The following PRR14L variants were observed in gnomAD, a reference collection of about 807,000 sequenced individuals.
The protein encoded by PRR14L is protein PRR14L.
PRR14L carries 80 observed loss-of-function variants against 155.0 expected under a neutral mutation model. The ratio of observed to expected loss-of-function variants is 0.52; its 90% CI spans 0.43 to 0.62. The LOEUF is 0.62. Ranked by LOEUF, PRR14L falls within the 20% of genes least tolerant of loss-of-function variation. PRR14L has a pLI of 0.00. For missense variants in PRR14L, 2,469 were observed against 2,548.0 expected (o/e 0.97, Z 0.67); for synonymous variants, 883 against 916.0 (o/e 0.96, Z 0.65).
chr22:31,727,124 C>T (rs1010671975), intron 2 of PRR14L, among the ~76,000 whole-genome samples: 4 of 152,142 alleles, frequency 2.6e-5, no homozygotes, highest in African/African-American at 4.8e-5. Flanking sequence ...GATTTTGCTT[C>T]GTCCCACTTG....
chr22:31,709,523 C>T (rs910995887), intron 4 of PRR14L, among the ~76,000 whole-genome samples: 4 of 147,442 alleles, frequency 2.7e-5, no homozygotes, highest in East Asian at 2.0e-4. Context: ...TGCACCCAGA[C>T]GCCTGTGGGG....
intron 8 of PRR14L, 21 bp from the exon 9 acceptor site, chr22:31,685,824 AATCACC>A: frequency 6.5e-7 from 1 of 1,547,870 alleles, no homozygotes; most frequent in Non-Finnish European, 8.7e-7. Context: ...AGCACGAAAC[AATCACC>A]AACAGACTGA....
At chr22:31,735,058 A>G (rs1376867908) in intron 2 of PRR14L, among the ~76,000 whole-genome samples, 4 of 152,254 alleles carry the variant, frequency 2.6e-5, no homozygotes, top group African/African-American at 7.2e-5. Context: ...GTTAACATTT[A>G]TATCAATTAA....
At chr22:31,727,419 A>C (rs2074722614) in intron 2 of PRR14L, among the ~76,000 whole-genome samples, 1 of 151,594 alleles carries the variant, frequency 6.6e-6, no homozygotes, top group South Asian at 2.1e-4. Flanking sequence ...ATTTTAGTAG[A>C]GACAGGGTTT....
intron 1 of PRR14L, among the ~76,000 whole-genome samples, chr22:31,739,291 G>A (rs1290546563): frequency 6.6e-6 from 1 of 151,940 alleles, no homozygotes; most frequent in South Asian, 2.1e-4. Context: ...TACCTTTTTT[G>A]TTCACTGCCA....
intron 4 of PRR14L, among the ~76,000 whole-genome samples, chr22:31,708,113 C>T (rs961378832): frequency 4.0e-5 from 6 of 151,848 alleles, no homozygotes; most frequent in South Asian, 2.1e-4. Flanking sequence ...TGCACCACTG[C>T]ACTCCAGCCT....
chr22:31,716,851 G>A lies in PRR14L; in HGVS notation c.988C>T (p.Pro330Ser), dbSNP rs751924291. The A allele has an allele frequency of 1.3e-6, 2 of 1,551,764 alleles. No homozygotes were observed. Among genetic ancestry groups the A allele is most frequent in the Non-Finnish European group, 8.7e-7 (1 of 1,147,002 alleles). The change falls in exon 4 of 9, where the codon CCC (proline) becomes TCC (serine). Residue 330 changes from proline to serine, a missense_variant. Physicochemically the swap from Pro to Ser is moderately conservative, Grantham distance 74 (BLOSUM62 -1). Transcript: ENST00000327423. ...NEQPSSTHDS[P>S]TATSPLKENS... is the part of the protein sequence containing the mutation. The stretch of plus-strand genomic sequence containing the variant: ...TCTTTCAAAGGGCTTGTGGCTGTGG[G>A]ACTATCATGTGTAGAACTGGGTTGT...
chr22:31,712,924 G>A lies in PRR14L; in HGVS notation c.4915C>T (p.Arg1639Trp), dbSNP rs780712816. The change falls in exon 4 of 9, where the codon CGG (arginine) becomes TGG (tryptophan). Residue 1639 changes from arginine (R) to tryptophan (W), a missense_variant. Arg to Trp is a moderately radical substitution (Grantham distance 101, BLOSUM62 -3). Coordinates refer to ENST00000327423, the MANE Select transcript of PRR14L (RefSeq NM_173566.3). ...AMKTQKLRYR[R>W]CSSELLPMAK... Reference sequence around the variant, plus strand: ...ATTGGAAGAAGTTCAGAGGAACACCGTCGGTATCTTAGCTTCTGAGTCTTC... The same window carrying A: ...ATTGGAAGAAGTTCAGAGGAACACCATCGGTATCTTAGCTTCTGAGTCTTC... 19 of 1,551,754 alleles carry A rather than the reference G, an allele frequency of 1.2e-5. No homozygotes were observed. The highest frequency in any genetic ancestry group is 3.6e-5 in the South Asian group (3 of 84,070).
intron 2 of PRR14L, among the ~76,000 whole-genome samples, chr22:31,737,425 G>A (rs2074788383): frequency 2.0e-5 from 3 of 151,732 alleles, no homozygotes; most frequent in Non-Finnish European, 2.9e-5. Flanking sequence ...AGGTTGCAGT[G>A]AGCCGAGATC....
At chr22:31,699,014 A>C (rs2074549750) in intron 7 of PRR14L, among the ~76,000 whole-genome samples, 1 of 152,144 alleles carries the variant, frequency 6.6e-6, no homozygotes, top group African/African-American at 2.4e-5. Context: ...TCACTTCAAA[A>C]CATACAATGC....
intron 1 of PRR14L, among the ~76,000 whole-genome samples, chr22:31,746,343 TATG>T (rs1000819317): frequency 1.6e-4 from 24 of 152,342 alleles, no homozygotes; most frequent in Middle Eastern, 3.4e-3. Context: ...TTTTTATCAG[TATG>T]TTTTATCAGT....
chr22:31,727,026 T>C (rs2074719853), intron 2 of PRR14L, among the ~76,000 whole-genome samples: 1 of 152,120 alleles, frequency 6.6e-6, no homozygotes, highest in Non-Finnish European at 1.5e-5. Context: ...CACAGGCCAG[T>C]GACATACAGG....
At chr22:31,700,156 G>C (rs2074555687) in intron 7 of PRR14L, among the ~76,000 whole-genome samples, 1 of 152,092 alleles carries the variant, frequency 6.6e-6, no homozygotes, top group Non-Finnish European at 1.5e-5. Flanking sequence ...TATAATGCTA[G>C]ATCACTCTAT....
intron 4 of PRR14L, among the ~76,000 whole-genome samples, chr22:31,705,093 C>A (rs2074582918): frequency 6.6e-6 from 1 of 151,926 alleles, no homozygotes; most frequent in South Asian, 2.1e-4. Flanking sequence ...GACCTTGTTT[C>A]CACAAAAAAT....
intron 2 of PRR14L, among the ~76,000 whole-genome samples, chr22:31,726,437 T>C (rs1379466551): frequency 6.6e-6 from 1 of 152,022 alleles, no homozygotes; most frequent in African/African-American, 2.4e-5. Context: ...GGCCTAATTT[T>C]TGTATTTTTA....
At chr22:31,726,046 G>A (rs914075729) in intron 2 of PRR14L, among the ~76,000 whole-genome samples, 1 of 152,046 alleles carries the variant, frequency 6.6e-6, no homozygotes, top group South Asian at 2.1e-4. Context: ...GGCACTGAAG[G>A]AAACCTCAAA....
At chr22:31,730,345 G>C (rs2074741740) in intron 2 of PRR14L, among the ~76,000 whole-genome samples, 1 of 152,138 alleles carries the variant, frequency 6.6e-6, no homozygotes, top group Non-Finnish European at 1.5e-5. Context: ...GGCTGAAGCA[G>C]AAAAACTGTT....
chr22:31,746,008 A>G (rs893531464), intron 1 of PRR14L, among the ~76,000 whole-genome samples: 6 of 151,640 alleles, frequency 4.0e-5, no homozygotes, highest in Non-Finnish European at 4.4e-5. Context: ...ACAGCTCTCT[A>G]TAACTTCAAA....
At chr22:31,723,267 T>C (rs2074700799) in intron 3 of PRR14L, among the ~76,000 whole-genome samples, 1 of 152,190 alleles carries the variant, frequency 6.6e-6, no homozygotes, top group South Asian at 2.1e-4. Flanking sequence ...AGCATGATAT[T>C]AGAACATGAA....
Sources: allele counts gnomAD v4.1 joint callset (sites outside exome capture counted in the v4.1 genomes callset), GRCh38; gene constraint gnomAD v4.1.1; transcripts MANE v1.5; gene names NCBI Gene and HGNC (gene_info 2026-07-23, HGNC 2026-07-21).